MAP3K13: variants seen among roughly 807,000 people sequenced by gnomAD.
The protein encoded by MAP3K13 is mitogen-activated protein kinase kinase kinase 13.
In MAP3K13, 52 loss-of-function variants were observed where a neutral mutation model predicts 104.0. That is an observed-to-expected ratio of 0.50 (90% CI 0.40 to 0.63). The LOEUF (loss-of-function observed/expected upper bound fraction) is 0.63, where lower values mean the gene tolerates loss of function less well. Ranked by LOEUF, MAP3K13 falls within the 20% of genes least tolerant of loss-of-function variation. The pLI is 0.00. For synonymous variants in MAP3K13, 394 were observed against 442.2 expected, an observed-to-expected ratio of 0.89 and a Z score of 1.37; for missense variants, 914 against 1,218.5, an observed-to-expected ratio of 0.75 and a Z score of 3.72.
intron 4 of MAP3K13, among the ~76,000 whole-genome samples, chr3:185,444,654 TTGAA>T (rs1475608934): frequency 1.3e-5 from 2 of 152,158 alleles, no homozygotes; most frequent in Non-Finnish European, 2.9e-5. Context: ...GTTCCCCAAA[TTGAA>T]TGAAGAAAGA....
At chr3:185,348,053 T>C (rs1012696378) in intron 2 of MAP3K13, among the ~76,000 whole-genome samples, 4 of 150,046 alleles carry the variant, frequency 2.7e-5, no homozygotes, top group Non-Finnish European at 5.9e-5. Context: ...AAAAGAAATA[T>C]AAATGTAGCA....
intron 1 of MAP3K13, among the ~76,000 whole-genome samples, chr3:185,397,959 A>C (rs1314999325): frequency 6.6e-6 from 1 of 152,092 alleles, no homozygotes; most frequent in Non-Finnish European, 1.5e-5. Flanking sequence ...CATAAAGGGA[A>C]CTGGCAACCT....
chr3:185,341,426 C>A (rs1167278748), intron 2 of MAP3K13, among the ~76,000 whole-genome samples: 1 of 152,102 alleles, frequency 6.6e-6, no homozygotes. Flanking sequence ...CATGGGCCTG[C>A]CAACACCTTG....
intron 1 of MAP3K13, among the ~76,000 whole-genome samples, chr3:185,393,644 G>C (rs1231181887): frequency 1.3e-5 from 2 of 151,984 alleles, no homozygotes; most frequent in African/African-American, 4.8e-5. Context: ...ATTTTTAGTA[G>C]AGTTGGGGTT....
intron 2 of MAP3K13, among the ~76,000 whole-genome samples, chr3:185,346,374 C>T (rs978102708): frequency 5.9e-5 from 9 of 152,252 alleles, no homozygotes; most frequent in African/African-American, 1.4e-4. Context: ...TGATCTGTAT[C>T]CTTCAACCTT....
At chr3:185,374,538 A>G (rs1224820452) in intron 1 of MAP3K13, among the ~76,000 whole-genome samples, 1 of 152,190 alleles carries the variant, frequency 6.6e-6, no homozygotes, top group African/African-American at 2.4e-5. Context: ...CGAGGTCCGA[A>G]TAAGAGAAGG....
chr3:185,352,688 T>C (rs1421002562), intron 2 of MAP3K13, among the ~76,000 whole-genome samples: 8 of 152,222 alleles, frequency 5.3e-5, no homozygotes, highest in Admixed American at 2.6e-4. Flanking sequence ...ATCTTGAACA[T>C]AGATGGCATG....
intron 2 of MAP3K13, chr3:185,328,643 C>G (rs538974011): frequency 6.6e-6 from 1 of 152,334 alleles, no homozygotes; most frequent in South Asian, 2.1e-4. Context: ...GGAAAGAAAT[C>G]CCCTCGGAAA....
chr3:185,468,063 C>T (rs182681374), intron 10 of MAP3K13, among the ~76,000 whole-genome samples: 5 of 152,020 alleles, frequency 3.3e-5, no homozygotes, highest in East Asian at 1.9e-4. Context: ...AGAACAGCAC[C>T]GAGGAGATGA....
chr3:185,356,576 C>A (rs1410597025), intron 2 of MAP3K13, among the ~76,000 whole-genome samples: 1 of 152,228 alleles, frequency 6.6e-6, no homozygotes, highest in Non-Finnish European at 1.5e-5. Flanking sequence ...CCTCTGCCTA[C>A]TTGTCCTTAC....
chr3:185,444,195 G>A (rs1460825564), intron 4 of MAP3K13, among the ~76,000 whole-genome samples: 2 of 152,056 alleles, frequency 1.3e-5, no homozygotes, highest in African/African-American at 4.8e-5. Flanking sequence ...AATCAGCCAG[G>A]CATGGTAGCA....
chr3:185,468,259 C>T (rs1203059077), intron 10 of MAP3K13, among the ~76,000 whole-genome samples: 1 of 152,106 alleles, frequency 6.6e-6, no homozygotes, highest in Non-Finnish European at 1.5e-5. Context: ...ATATGGGTTC[C>T]CCTCATTGTA....
chr3:185,389,701 A>T (rs1042361772), intron 1 of MAP3K13, among the ~76,000 whole-genome samples: 1 of 144,806 alleles, frequency 6.9e-6, no homozygotes, highest in Non-Finnish European at 1.5e-5. Context: ...CAGGACCGAT[A>T]AAAAAAAAAA....
chr3:185,376,906 G>A (rs1441500094), intron 1 of MAP3K13, among the ~76,000 whole-genome samples: 1 of 152,140 alleles, frequency 6.6e-6, no homozygotes, highest in Admixed American at 6.5e-5. Context: ...GAAGCCTTGT[G>A]GAGTACAGCC....
At chr3:185,284,716 T>TATAA (rs1007952275) in intron 1 of MAP3K13, among the ~76,000 whole-genome samples, 12 of 151,464 alleles carry the variant, frequency 7.9e-5, no homozygotes, top group African/African-American at 2.4e-4. Flanking sequence ...CCTCAGGAAC[T>TATAA]ATAAATAAAT....
intron 2 of MAP3K13, among the ~76,000 whole-genome samples, chr3:185,323,807 T>G (rs1435541122): frequency 6.6e-6 from 1 of 152,336 alleles, no homozygotes; most frequent in African/African-American, 2.4e-5. Flanking sequence ...TGTTCATAAT[T>G]TGATTGCCAA....
chr3:185,305,483 A>T (rs181869955), intron 2 of MAP3K13, among the ~76,000 whole-genome samples: 26 of 152,070 alleles, frequency 1.7e-4, no homozygotes, highest in Admixed American at 1.1e-3. Flanking sequence ...TAGTTTTTTT[A>T]TGCTTTTATC....
chr3:185,404,311 A>C (rs1421482417), intron 1 of MAP3K13, among the ~76,000 whole-genome samples: 1 of 152,256 alleles, frequency 6.6e-6, no homozygotes, highest in Non-Finnish European at 1.5e-5. Flanking sequence ...TTGTAAGAAC[A>C]GATGAAGGTG....
chr3:185,295,483 G>A (rs543939554), intron 2 of MAP3K13, among the ~76,000 whole-genome samples: 139 of 152,352 alleles, frequency 9.1e-4, no homozygotes, highest in African/African-American at 3.0e-3. Flanking sequence ...GATTACAGGC[G>A]TAAGCCACAG....
Sources: gnomAD v4.1 joint callset for allele counts (sites outside exome capture counted in the v4.1 genomes callset) on GRCh38, gnomAD v4.1.1 for gene constraint, MANE v1.5 for transcripts, NCBI Gene and HGNC (gene_info 2026-07-23, HGNC 2026-07-21) for gene names.